Variants in CSMD1 observed in about 807,000 individuals in gnomAD.
CSMD1 encodes the protein CUB and sushi domain-containing protein 1.
In CSMD1, 213 loss-of-function variants were observed where a neutral mutation model predicts 417.5. That is an observed-to-expected ratio of 0.51 (90% CI 0.46 to 0.57). The LOEUF (loss-of-function observed/expected upper bound fraction) is 0.57. Ranked by LOEUF, CSMD1 falls within the 20% of genes least tolerant of loss-of-function variation. CSMD1 has a pLI of 0.00. For synonymous variants in CSMD1, 2,862 were observed against 1,736.8 expected (o/e 1.65, Z -16.11); for missense variants, 6,923 against 4,529.7 (o/e 1.53, Z -15.17).
chr8:3,222,581 T>C (rs1333129411), intron 28 of CSMD1, among the ~76,000 whole-genome samples: 1 of 152,156 alleles, frequency 6.6e-6, no homozygotes, highest in Non-Finnish European at 1.5e-5. Context: ...AATGCTGGGA[T>C]TACAGTCATG....
At chr8:4,399,218 T>A (rs1804476486) in intron 3 of CSMD1, among the ~76,000 whole-genome samples, 1 of 152,216 alleles carries the variant, frequency 6.6e-6, no homozygotes, top group African/African-American at 2.4e-5. Context: ...TGTTTAAATA[T>A]ATGACAAACC....
At chr8:4,655,649 T>G (rs1804186068) in intron 1 of CSMD1, among the ~76,000 whole-genome samples, 1 of 152,090 alleles carries the variant, frequency 6.6e-6, no homozygotes, top group Non-Finnish European at 1.5e-5. Context: ...GTAATCACCT[T>G]AATCATTTAG....
intron 12 of CSMD1, among the ~76,000 whole-genome samples, chr8:3,416,115 C>T (rs961490043): frequency 2.6e-5 from 4 of 151,936 alleles, no homozygotes; most frequent in Middle Eastern, 3.4e-3. Flanking sequence ...TCCTGGATAA[C>T]ATGGTGAAAC....
intron 3 of CSMD1, among the ~76,000 whole-genome samples, chr8:4,297,519 T>G (rs896980259): frequency 6.6e-6 from 1 of 152,212 alleles, no homozygotes; most frequent in Non-Finnish European, 1.5e-5. Flanking sequence ...TTTGCTTCTA[T>G]AGCTGTTAAA....
intron 3 of CSMD1, among the ~76,000 whole-genome samples, chr8:4,246,612 G>C (rs941793075): frequency 3.3e-5 from 5 of 152,148 alleles, no homozygotes; most frequent in African/African-American, 7.2e-5. Flanking sequence ...GATGGGTCTA[G>C]CTTTGTTCAG....
intron 3 of CSMD1, among the ~76,000 whole-genome samples, chr8:4,204,273 A>AC (rs1160734887): frequency 3.8e-4 from 58 of 152,042 alleles, no homozygotes; most frequent in African/African-American, 1.1e-3. Flanking sequence ...GGAAAAAAAA[A>AC]AAACCTCAAT....
intron 5 of CSMD1, among the ~76,000 whole-genome samples, chr8:3,903,012 T>C (rs775279870): frequency 6.6e-6 from 1 of 152,168 alleles, no homozygotes; most frequent in East Asian, 1.9e-4. Context: ...TTACGATGAA[T>C]GCACGTTTCT....
At chr8:4,941,231 C>T (rs942107038) in intron 1 of CSMD1, among the ~76,000 whole-genome samples, 1 of 151,772 alleles carries the variant, frequency 6.6e-6, no homozygotes, top group African/African-American at 2.4e-5. Flanking sequence ...AACATTGTAA[C>T]ATTGTAACAC....
intron 5 of CSMD1, among the ~76,000 whole-genome samples, chr8:3,959,002 C>A (rs543965151): frequency 1.1e-4 from 17 of 152,266 alleles, no homozygotes; most frequent in Middle Eastern, 3.4e-3. Context: ...CATGCGTCTC[C>A]CTCCTCCCTA....
At chr8:3,766,749 T>A (rs1413875876) in intron 5 of CSMD1, among the ~76,000 whole-genome samples, 3 of 152,196 alleles carry the variant, frequency 2.0e-5, no homozygotes, top group Admixed American at 2.0e-4. Context: ...GCATACATAT[T>A]CTTTAGGAAT....
At chr8:4,183,191 G>C (rs904175240) in intron 3 of CSMD1, among the ~76,000 whole-genome samples, 13 of 151,904 alleles carry the variant, frequency 8.6e-5, no homozygotes, top group African/African-American at 2.7e-4. Context: ...ATGAATTTAG[G>C]GGAAAAAATG....
In CSMD1 at chr8:3,409,376, G is replaced by C. The variant is rs77588066; in HGVS notation, c.1744+47C>G. 2.8e-3 allele frequency: 4,060 copies of C among 1,476,236 alleles called. 94 individuals carry two copies. In the African/African-American group the frequency reaches 0.05, roughly 18 times the overall value. 91.4% of individuals were successfully genotyped at this position (1,476,236 alleles called of 1,614,324 possible). Reference sequence around the variant, plus strand: ...TCTTTCTCCTTTTCTCCCCTTGCAAGATCCTTGCAGGACAGGAGGGAGTCC... The same window carrying C: ...TCTTTCTCCTTTTCTCCCCTTGCAACATCCTTGCAGGACAGGAGGGAGTCC... On this transcript the variant is annotated intron_variant, in intron 13 of 69. Coordinates refer to ENST00000635120, the MANE Select transcript of CSMD1 (RefSeq NM_033225.6).
rs144926967 is a variant in CSMD1, at chr8:4,230,900, A to G, written c.415+189053T>C. Among the ~76,000 whole-genome samples, 94 of 152,242 alleles carry G rather than the reference A, an allele frequency of 6.2e-4. 1 individual carries two copies. The highest frequency in any genetic ancestry group is 2.1e-3 in the African/African-American group (88 of 41,530). Reference sequence around the variant, plus strand: ...CTAACTTGAGTCACCACCAAATTCAATATTATATGCTGTGATTTTTTAATC... The same window carrying G: ...CTAACTTGAGTCACCACCAAATTCAGTATTATATGCTGTGATTTTTTAATC... On this transcript the variant is annotated intron_variant, in intron 3 of 69. Coordinates refer to ENST00000635120, the MANE Select transcript of CSMD1 (RefSeq NM_033225.6).
rs189148786 is a variant in CSMD1 at position 3,872,663 on chromosome 8, C to T, written c.819-118621G>A. On this transcript the variant is annotated intron_variant, in intron 5 of 69. Transcript: ENST00000635120. ...CTTAATTTATTAATGAGTTTATTTC[C>T]TGAGCCCTTCATTCATGAAGAGCCT... Among the ~76,000 whole-genome samples, 320 of 152,192 alleles carry T rather than the reference C, an allele frequency of 2.1e-3. 2 individuals carry two copies. The highest frequency in any genetic ancestry group is 7.5e-3 in the African/African-American group (311 of 41,514).
chr8:4,745,634 T>C (rs1161125851), intron 1 of CSMD1, among the ~76,000 whole-genome samples: 1 of 151,650 alleles, frequency 6.6e-6, no homozygotes, highest in Non-Finnish European at 1.5e-5. Context: ...AGAGAGAGAG[T>C]AGAGAGAAGT....
At position 4,839,051 on chromosome 8, in the gene CSMD1, TG is replaced by T. The variant is rs568290726; in HGVS notation, c.85+155280del. On this transcript the variant is annotated intron_variant, in intron 1 of 69. Coordinates refer to ENST00000635120, the MANE Select transcript of CSMD1 (RefSeq NM_033225.6). ...GTATAACTTTTTGGAATTGGTTTTT[TG>T]CCTGTCTGCTTTGTATTTCTGACCT... Among the ~76,000 whole-genome samples, 676 of 152,352 alleles carry T rather than the reference TG, an allele frequency of 4.4e-3. 7 individuals are homozygous for T. Among genetic ancestry groups the T allele is most frequent in the African/African-American group, 0.016 (655 of 41,582 alleles).
chr8:3,928,108 C>T (rs1413600367), intron 5 of CSMD1, among the ~76,000 whole-genome samples: 1 of 151,942 alleles, frequency 6.6e-6, no homozygotes, highest in Non-Finnish European at 1.5e-5. Context: ...AAAGGACATA[C>T]AAAGGTAAAT....
intron 9 of CSMD1, among the ~76,000 whole-genome samples, chr8:3,583,055 C>T (rs978897321): frequency 6.6e-6 from 1 of 152,190 alleles, no homozygotes; most frequent in Non-Finnish European, 1.5e-5. Context: ...CCTTACAGAG[C>T]AACTCCTGCC....
chr8:3,535,555 G>A (rs1042265550), intron 10 of CSMD1, among the ~76,000 whole-genome samples: 3 of 152,026 alleles, frequency 2.0e-5, no homozygotes, highest in African/African-American at 7.2e-5. Context: ...GGGGCTGGTG[G>A]GTAGGAAGAA....
Sources: gnomAD v4.1 joint callset for allele counts (sites outside exome capture counted in the v4.1 genomes callset) on GRCh38, gnomAD v4.1.1 for gene constraint, MANE v1.5 for transcripts, NCBI Gene and HGNC (gene_info 2026-07-23, HGNC 2026-07-21) for gene names.